Variants in GRB14 observed in about 807,000 individuals in gnomAD.
The protein encoded by GRB14 is growth factor receptor bound protein 14, also known as growth factor receptor-bound protein 14.
A neutral mutation model predicts 69.1 loss-of-function variants in GRB14; 38 were observed. The observed-to-expected ratio is 0.55, with a 90% CI of 0.42 to 0.72. The LOEUF (loss-of-function observed/expected upper bound fraction) is 0.72, where lower values mean the gene tolerates loss of function less well. Ranked by LOEUF, GRB14 falls within the 30% of genes least tolerant of loss-of-function variation. The probability of loss-of-function intolerance (pLI) is 0.00; values close to 1 mark genes in which losing one functional copy is unlikely to be tolerated. For synonymous variants in GRB14, 247 were observed against 241.3 expected, an observed-to-expected ratio of 1.02 and a Z score of -0.22; for missense variants, 666 against 666.1, an observed-to-expected ratio of 1.00 and a Z score of 0.00.
At chr2:164,560,601 T>A (rs915722841) in intron 2 of GRB14, among the ~76,000 whole-genome samples, 2 of 152,112 alleles carry the variant, frequency 1.3e-5, no homozygotes, top group Non-Finnish European at 2.9e-5. Flanking sequence ...GGGGGGCATA[T>A]GTATATATAC....
At chr2:164,508,669 A>G in intron 7 of GRB14, 73 bp downstream of exon 7, 1 of 1,449,574 alleles carries the variant, frequency 6.9e-7, no homozygotes, top group African/African-American at 1.4e-5. Flanking sequence ...TTCAAAAGCA[A>G]TTAAAGGAAA....
intron 12 of GRB14, 106 bp downstream of exon 12, chr2:164,496,902 A>G: frequency 1.2e-6 from 1 of 843,392 alleles, no homozygotes; most frequent in Non-Finnish European, 1.9e-6. Flanking sequence ...CTTCTGTTTT[A>G]TGATAAGCCC....
In GRB14 at chr2:164,514,176, A is replaced by T. The variant is rs898364364; in HGVS notation, c.817-5324T>A. On this transcript the variant is annotated intron_variant, in intron 6 of 13. Transcript: ENST00000263915. ...GGAGACAAAATAACACACACAAAAT[A>T]ACTAAAGAGAAGTAAAGGAACAGGA... Among the ~76,000 whole-genome samples, 5 of 152,344 alleles carry T rather than the reference A, an allele frequency of 3.3e-5. No individual in the cohort carries two copies. In the East Asian group the frequency reaches 9.6e-4, roughly 29 times the overall value.
At chr2:164,586,287 T>A (rs1689538134) in intron 2 of GRB14, among the ~76,000 whole-genome samples, 1 of 152,196 alleles carries the variant, frequency 6.6e-6, no homozygotes, top group African/African-American at 2.4e-5. Context: ...AAAGTTGCAT[T>A]GGAGTTAATC....
At chr2:164,577,366 C>T (rs1689276953) in intron 2 of GRB14, among the ~76,000 whole-genome samples, 1 of 152,178 alleles carries the variant, frequency 6.6e-6, no homozygotes, top group Non-Finnish European at 1.5e-5. Context: ...TTGTAATACC[C>T]AATGGTTGGG....
chr2:164,612,012 T>C (rs1690177985), intron 2 of GRB14, among the ~76,000 whole-genome samples: 1 of 152,136 alleles, frequency 6.6e-6, no homozygotes, highest in South Asian at 2.1e-4. Context: ...AGCTCTCAGG[T>C]ACAGAAAGGG....
chr2:164,529,358 A>T (rs1261689527), intron 3 of GRB14, among the ~76,000 whole-genome samples: 1 of 152,200 alleles, frequency 6.6e-6, no homozygotes, highest in East Asian at 1.9e-4. Context: ...GTTGCACAAC[A>T]ATGTGAATTC....
Position 164,524,959 on chromosome 2 carries a change from T to C in GRB14, c.678+45A>G, listed in dbSNP as rs1402699. On this transcript the variant is annotated intron_variant, in intron 5 of 13. Transcript: ENST00000263915. ...ATAAAAAAGGACTTAAAAGTTTTCC[T>C]TCATTATGCTATTATTTATATATGT... is the stretch of plus-strand genomic sequence containing the variant. 8.2e-3 allele frequency: 8,788 copies of C among 1,071,358 alleles called. 543 individuals are homozygous for C. The African/African-American group carries it at 0.13, about 16-fold the overall frequency. 66.4% of individuals were successfully genotyped at this position (1,071,358 alleles called of 1,614,324 possible). A position where few individuals can be genotyped will look rare whatever the true frequency, so the allele number is the denominator to read the frequency against.
intron 2 of GRB14, among the ~76,000 whole-genome samples, chr2:164,608,674 T>C (rs960183101): frequency 1.3e-5 from 2 of 152,128 alleles, no homozygotes; most frequent in African/African-American, 4.8e-5. Flanking sequence ...TAGAATTCCT[T>C]TGGCAATTGT....
chr2:164,524,930 A>T lies in GRB14; in HGVS notation c.678+74T>A, dbSNP rs1441067998. 4 of 770,340 alleles carry T rather than the reference A, an allele frequency of 5.2e-6. No homozygotes were observed. In the African/African-American group the frequency reaches 5.5e-5, roughly 11 times the overall value. 47.7% of individuals were successfully genotyped at this position (770,340 alleles called of 1,614,324 possible). On this transcript the variant is annotated intron_variant, in intron 5 of 13. Transcript: ENST00000263915. ...AAGCATAACTTTTCAAAATCTGGGC[A>T]TGTATAAAAAAGGACTTAAAAGTTT...
At chr2:164,574,677 TGCCTGTAATCCCA>T (rs1408630126) in intron 2 of GRB14, among the ~76,000 whole-genome samples, 6 of 152,272 alleles carry the variant, frequency 3.9e-5, no homozygotes, top group African/African-American at 1.4e-4. Context: ...TGGTGGCTTA[TGCCTGTAATCCCA>T]GCCATTTGGG....
intron 5 of GRB14, among the ~76,000 whole-genome samples, chr2:164,524,352 A>T (rs1170141756): frequency 6.6e-6 from 1 of 152,068 alleles, no homozygotes; most frequent in Admixed American, 6.6e-5. Flanking sequence ...AAATAACTGA[A>T]ATTATTCATT....
intron 2 of GRB14, among the ~76,000 whole-genome samples, chr2:164,616,573 T>C (rs546780791): frequency 3.9e-5 from 6 of 151,918 alleles, no homozygotes; most frequent in Admixed American, 1.3e-4. Flanking sequence ...ATTTGTGGCT[T>C]CAATGCACTT....
chr2:164,554,415 T>C (rs1346326592), intron 2 of GRB14, among the ~76,000 whole-genome samples: 1 of 152,148 alleles, frequency 6.6e-6, no homozygotes, highest in Non-Finnish European at 1.5e-5. Flanking sequence ...AAGAAATTCT[T>C]CCTGGACCCT....
intron 8 of GRB14, among the ~76,000 whole-genome samples, chr2:164,503,217 A>T (rs1190157675): frequency 6.6e-6 from 1 of 151,516 alleles, no homozygotes; most frequent in African/African-American, 2.4e-5. Flanking sequence ...TGGAATAAAC[A>T]GCCTTTTTTC....
intron 8 of GRB14, among the ~76,000 whole-genome samples, chr2:164,508,210 A>G (rs754438793): frequency 6.6e-6 from 1 of 152,240 alleles, no homozygotes; most frequent in Non-Finnish European, 1.5e-5. Flanking sequence ...ACAAAAGTGA[A>G]AATCAGAACA....
chr2:164,497,509 T>A lies in GRB14; in HGVS notation c.1105-19A>T. 7.1e-7 allele frequency: 1 copy of A among 1,404,066 alleles called. No individual in the cohort carries two copies. Among genetic ancestry groups the A allele is most frequent in the Admixed American group, 2.1e-5 (1 of 48,760 alleles). 87.0% of individuals were successfully genotyped at this position (1,404,066 alleles called of 1,614,324 possible). A position where few individuals can be genotyped will look rare whatever the true frequency, so the allele number is the denominator to read the frequency against. On this transcript the variant is annotated intron_variant, in intron 9 of 13. Transcript: ENST00000263915. ...TACTTCTCTGGAAAAAAGAAACACA[T>A]TTGAGTTATGAAAATTTCTTTGAAA...
At chr2:164,592,446 G>C (rs368005912) in intron 2 of GRB14, among the ~76,000 whole-genome samples, 1 of 152,086 alleles carries the variant, frequency 6.6e-6, no homozygotes, top group Admixed American at 6.5e-5. Context: ...TCATGGGTAT[G>C]TCTTTATCAG....
chr2:164,590,701 C>T (rs1246045774), intron 2 of GRB14, among the ~76,000 whole-genome samples: 2 of 152,158 alleles, frequency 1.3e-5, no homozygotes, highest in Non-Finnish European at 2.9e-5. Context: ...TTCATCTAAA[C>T]CTATGGTTGA....
Sources: allele counts gnomAD v4.1 joint callset (sites outside exome capture counted in the v4.1 genomes callset), GRCh38; gene constraint gnomAD v4.1.1; transcripts MANE v1.5; gene names NCBI Gene and HGNC (gene_info 2026-07-23, HGNC 2026-07-21).